Variants in CDH8 observed in about 807,000 individuals in gnomAD.
CDH8 encodes the protein cadherin 8.
A neutral mutation model predicts 68.1 loss-of-function variants in CDH8; 17 were observed. That is an observed-to-expected ratio of 0.25 (90% CI 0.17 to 0.37). The LOEUF is 0.37. CDH8 is among the 10% of genes least tolerant of loss of function. CDH8 has a pLI of 1.00. For missense variants in CDH8, 763 were observed against 999.3 expected (o/e 0.76, Z 3.19); for synonymous variants, 372 against 365.1 (o/e 1.02, Z -0.21).
chr16:61,871,960 G>A (rs1003749472), intron 3 of CDH8, among the ~76,000 whole-genome samples: 3 of 151,838 alleles, frequency 2.0e-5, no homozygotes, highest in Non-Finnish European at 4.4e-5. Context: ...ATATCCATCC[G>A]GTGTGAGAAG....
At chr16:62,021,126 A>T (rs747168769) in intron 2 of CDH8, 26 bp downstream of exon 2, 2 of 1,604,730 alleles carry the variant, frequency 1.2e-6, no homozygotes, top group Admixed American at 3.3e-5. Context: ...AGACCCTGAA[A>T]TTGAGATCTT....
At chr16:61,728,421 G>A (rs1959438615) in intron 8 of CDH8, among the ~76,000 whole-genome samples, 1 of 150,992 alleles carries the variant, frequency 6.6e-6, no homozygotes, top group African/African-American at 2.4e-5. Flanking sequence ...ACTACAAGTG[G>A]CTGAATACTA....
At position 61,817,489 on chromosome 16, in the gene CDH8, T is replaced by C. The variant is rs761808168; in HGVS notation, c.1267A>G (p.Ser423Gly). The change falls in exon 7 of 12, where the codon AGT (serine) becomes GGT (glycine). Residue 423 changes from serine to glycine, a missense_variant. Physicochemically the swap from Ser to Gly is moderately conservative, Grantham distance 56. Around this residue, in one of 2 missense-constraint regions of CDH8, gnomAD observed 366 missense variants for 563.1 expected, o/e 0.65. Coordinates refer to ENST00000577390, the MANE Select transcript of CDH8 (RefSeq NM_001796.5). ...TTAAAATAAAAATACCTTATAGGAC[T>C]GGAAGTGATATCAGGGTCACGAGCA... ...VTARDPDITS[S>G]PIRFSIDRHT... 1 of 1,613,966 alleles carries C rather than the reference T, an allele frequency of 6.2e-7. No homozygotes were observed. The highest frequency in any genetic ancestry group is 2.2e-5 in the East Asian group (1 of 44,866).
chr16:61,793,841 G>T (rs375420306), intron 7 of CDH8, among the ~76,000 whole-genome samples: 11 of 151,942 alleles, frequency 7.2e-5, no homozygotes, highest in Non-Finnish European at 1.3e-4. Context: ...TGCCTTCCAC[G>T]ATGGTTGAAC....
At chr16:61,963,204 G>A (rs545024513) in intron 2 of CDH8, among the ~76,000 whole-genome samples, 4 of 152,216 alleles carry the variant, frequency 2.6e-5, no homozygotes, top group Non-Finnish European at 4.4e-5. Context: ...ATAAGGCATG[G>A]TGGGGAGGGG....
rs78599752 is a variant in CDH8, at chr16:61,895,844, G to A, written c.547+5335C>T. Among the ~76,000 whole-genome samples the A allele has an allele frequency of 8.6e-3, 1,303 of 152,208 alleles. 15 individuals are homozygous for A. The highest frequency in any genetic ancestry group is 0.027 in the Middle Eastern group (8 of 292). ...AAACTAAAGGCCAAGTAGGTAGCAC[G>A]TTAAATATAATTATTGAATTCCTCC... On this transcript the variant is annotated intron_variant, in intron 3 of 11. Transcript: ENST00000577390.
chr16:61,673,080 G>A (rs1285605106), intron 10 of CDH8, among the ~76,000 whole-genome samples: 1 of 152,096 alleles, frequency 6.6e-6, no homozygotes, highest in Non-Finnish European at 1.5e-5. Flanking sequence ...AGACAAGACT[G>A]TTAGTTGAAT....
chr16:61,972,779 G>A (rs1272120079), intron 2 of CDH8, among the ~76,000 whole-genome samples: 1 of 152,050 alleles, frequency 6.6e-6, no homozygotes, highest in Non-Finnish European at 1.5e-5. Context: ...TGTCTTTTGA[G>A]TTTGAAAGAG....
chr16:61,748,052 T>G (rs2142940378), intron 8 of CDH8, among the ~76,000 whole-genome samples: 1 of 152,214 alleles, frequency 6.6e-6, no homozygotes, highest in Non-Finnish European at 1.5e-5. Flanking sequence ...TTTGGTTGAC[T>G]TCTTCCTCAG....
At chr16:61,694,013 A>G (rs1964281454) in intron 10 of CDH8, among the ~76,000 whole-genome samples, 1 of 152,198 alleles carries the variant, frequency 6.6e-6, no homozygotes, top group African/African-American at 2.4e-5. Context: ...AGGCATTACT[A>G]ACCCCACCTC....
At chr16:61,759,812 T>A (rs1295777116) in intron 8 of CDH8, among the ~76,000 whole-genome samples, 1 of 152,196 alleles carries the variant, frequency 6.6e-6, no homozygotes, top group African/African-American at 2.4e-5. Flanking sequence ...AATTATTTAA[T>A]ACTCCTCTCA....
intron 2 of CDH8, among the ~76,000 whole-genome samples, chr16:62,009,968 A>G (rs1382884166): frequency 6.6e-6 from 1 of 152,202 alleles, no homozygotes; most frequent in Non-Finnish European, 1.5e-5. Flanking sequence ...TCAAGATACT[A>G]GGCTAACCCC....
chr16:61,782,608 G>C (rs1174740033), intron 8 of CDH8, among the ~76,000 whole-genome samples: 1 of 151,638 alleles, frequency 6.6e-6, no homozygotes, highest in Non-Finnish European at 1.5e-5. Flanking sequence ...AGGCCTGCCT[G>C]CCTCTGTAGG....
At chr16:61,711,859 T>A (rs910517518) in intron 10 of CDH8, among the ~76,000 whole-genome samples, 6 of 151,630 alleles carry the variant, frequency 4.0e-5, no homozygotes, top group African/African-American at 1.5e-4. Flanking sequence ...TTAAAACATG[T>A]CCCAGTAGAA....
At chr16:61,668,239 T>C (rs1963719113) in intron 10 of CDH8, among the ~76,000 whole-genome samples, 1 of 151,944 alleles carries the variant, frequency 6.6e-6, no homozygotes, top group Non-Finnish European at 1.5e-5. Flanking sequence ...AAAGTTATCA[T>C]TTTTGGTATG....
chr16:61,954,977 C>T (rs1259485376), intron 2 of CDH8, among the ~76,000 whole-genome samples: 1 of 152,102 alleles, frequency 6.6e-6, no homozygotes. Context: ...CAGCAGTAAC[C>T]TTCTAAAGTG....
At chr16:61,902,596 C>T (rs1225715375) in intron 2 of CDH8, among the ~76,000 whole-genome samples, 3 of 144,692 alleles carry the variant, frequency 2.1e-5, no homozygotes. Flanking sequence ...AAAAAAAAAC[C>T]GCCTTGTGGA....
chr16:61,648,071 A>G lies in CDH8; in HGVS notation c.*5537T>C. Reference sequence around the variant, plus strand: ...TGAGACCTAGATGAAACTTCCACACATAAAGGAAGGAGGAGAATACATACA... The same window carrying G: ...TGAGACCTAGATGAAACTTCCACACGTAAAGGAAGGAGGAGAATACATACA... On this transcript the variant is annotated 3_prime_UTR_variant, in exon 12 of 12. Transcript: ENST00000577390. 1 of 518,752 alleles carries G rather than the reference A, an allele frequency of 1.9e-6. No individual in the cohort carries two copies. The highest frequency in any genetic ancestry group is 3.4e-6 in the Non-Finnish European group (1 of 291,974). 32.1% of individuals were successfully genotyped at this position (518,752 alleles called of 1,614,324 possible). A position where few individuals can be genotyped will look rare whatever the true frequency, so the allele number is the denominator to read the frequency against.
At chr16:61,750,406 C>G (rs1596930414) in intron 8 of CDH8, among the ~76,000 whole-genome samples, 1 of 152,064 alleles carries the variant, frequency 6.6e-6, no homozygotes, top group Non-Finnish European at 1.5e-5. Context: ...TAAATTAAAA[C>G]AAACATTGCA....
Sources: gnomAD v4.1 joint callset for allele counts (sites outside exome capture counted in the v4.1 genomes callset) on GRCh38, gnomAD v4.1.1 for gene constraint, gnomAD v4.1.1 regional missense constraint, MANE v1.5 for transcripts, NCBI Gene and HGNC (gene_info 2026-07-23, HGNC 2026-07-21) for gene names.